The following MAP6 variants were observed in gnomAD, a reference collection of about 807,000 sequenced individuals.
MAP6 encodes the protein microtubule-associated protein 6.
A neutral mutation model predicts 42.4 loss-of-function variants in MAP6; 26 were observed. That is an observed-to-expected ratio of 0.61 (90% CI 0.45 to 0.85). The LOEUF (loss-of-function observed/expected upper bound fraction) is 0.85. Ranked by LOEUF, MAP6 falls within the 40% of genes least tolerant of loss-of-function variation. The pLI is 0.00. For synonymous variants in MAP6, 418 were observed against 443.8 expected, an observed-to-expected ratio of 0.94 and a Z score of 0.73; for missense variants, 966 against 1,099.0, an observed-to-expected ratio of 0.88 and a Z score of 1.71.
intron 1 of MAP6, among the ~76,000 whole-genome samples, chr11:75,618,720 C>T (rs948401383): frequency 2.6e-5 from 4 of 152,200 alleles, no homozygotes; most frequent in African/African-American, 4.8e-5. Context: ...CCCTGACAGT[C>T]GAGACCGGCA....
chr11:75,668,255 G>T lies in MAP6; in HGVS notation c.115C>A (p.His39Asn). The T allele has an allele frequency of 1.4e-6, 2 of 1,475,228 alleles. No homozygotes were observed. The highest frequency in any genetic ancestry group is 1.8e-6 in the Non-Finnish European group (2 of 1,115,278). The allele number at this position is 1,475,228 out of a possible 1,614,324, so 91.4% of individuals were successfully genotyped here. Residue 39 changes from histidine (H) to asparagine (N), a missense_variant, in exon 1 of 4, where the codon CAC becomes AAC. His to Asn is a moderately conservative substitution (Grantham distance 68). Around this residue, in one of 2 missense-constraint regions of MAP6, gnomAD observed 943 missense variants for 1,049.9 expected, o/e 0.90. Coordinates refer to ENST00000304771, the MANE Select transcript of MAP6 (RefSeq NM_033063.2). ...GGTGGCTGCGGCGGGGCGCCCGGGTGCTCGGTGGCCTCCGAGTACTTGGTG... is the reference window on the plus strand; with the variant it reads ...GGTGGCTGCGGCGGGGCGCCCGGGTTCTCGGTGGCCTCCGAGTACTTGGTG... ...VFTKYSEATE[H>N]PGAPPQPPPP...
intron 1 of MAP6, among the ~76,000 whole-genome samples, chr11:75,653,479 C>G (rs1444362811): frequency 6.6e-6 from 1 of 152,226 alleles, no homozygotes; most frequent in Non-Finnish European, 1.5e-5. Context: ...ACCTGTGGCA[C>G]TTAGATGCCA....
intron 1 of MAP6, among the ~76,000 whole-genome samples, chr11:75,634,030 T>G (rs1168714420): frequency 6.6e-6 from 1 of 152,152 alleles, no homozygotes; most frequent in Admixed American, 6.5e-5. Context: ...GAGAGACCTG[T>G]TAGGAGACTC....
chr11:75,668,365 G>A lies in MAP6; in HGVS notation c.5C>T (p.Ala2Val). 1.3e-6 allele frequency: 2 copies of A among 1,569,888 alleles called. No homozygotes were observed. The highest frequency in any genetic ancestry group is 1.1e-5 in the South Asian group (1 of 89,554). Residue 2 changes from alanine (A) to valine (V), a missense_variant, in exon 1 of 4, where the codon GCG becomes GTG. This residue lies in a region of MAP6 where 23 missense variants were observed against 49.1 expected (regional missense o/e 0.47). Transcript: ENST00000304771. Reference sequence around the variant, plus strand: ...GCAGGCCCTCGTGATGCACGGCCACGCCATGATGCTAGCTGAAAAGCCGGC... The same window carrying A: ...GCAGGCCCTCGTGATGCACGGCCACACCATGATGCTAGCTGAAAAGCCGGC... M[A>V]WPCITRACCI...
chr11:75,648,146 C>T (rs930466344), intron 1 of MAP6, among the ~76,000 whole-genome samples: 1 of 152,148 alleles, frequency 6.6e-6, no homozygotes, highest in South Asian at 2.1e-4. Flanking sequence ...ACACTATACA[C>T]AAAATTGAAC....
chr11:75,599,728 C>T (rs974376704), intron 3 of MAP6, among the ~76,000 whole-genome samples: 4 of 152,190 alleles, frequency 2.6e-5, no homozygotes, highest in East Asian at 1.9e-4. Context: ...TGTCTGAAAC[C>T]TGATTCTTTT....
intron 3 of MAP6, among the ~76,000 whole-genome samples, chr11:75,592,687 A>C (rs1415873055): frequency 6.6e-6 from 1 of 152,184 alleles, no homozygotes; most frequent in Non-Finnish European, 1.5e-5. Flanking sequence ...TTCATACAGA[A>C]ATCAGAATGA....
chr11:75,658,528 C>G (rs750418079), intron 1 of MAP6, among the ~76,000 whole-genome samples: 1 of 152,166 alleles, frequency 6.6e-6, no homozygotes, highest in Non-Finnish European at 1.5e-5. Context: ...TCTATTCTTG[C>G]TGGAGATCAG....
Position 75,587,217 on chromosome 11 carries a change from G to A in MAP6, c.2284C>T (p.Pro762Ser), listed in dbSNP as rs944788120. 1.9e-6 allele frequency: 3 copies of A among 1,614,058 alleles called. No homozygotes were observed. Among genetic ancestry groups the A allele is most frequent in the African/African-American group, 2.7e-5 (2 of 74,896 alleles). ...TCCTTTGCTGGTACTGGCACCAGAG[G>A]ATCTTGATCCTTCAGAGGCACTGGG... is the stretch of plus-strand genomic sequence containing the variant. ...IVPVPLKDQD[P>S]LVPVPAKDQG... is the part of the protein sequence containing the mutation. The change falls in exon 4 of 4, where the codon CCT (proline) becomes TCT (serine). Residue 762 changes from proline to serine, a missense_variant. This residue lies in a region of MAP6 where 943 missense variants were observed against 1,049.9 expected (regional missense o/e 0.90). Coordinates refer to ENST00000304771, the MANE Select transcript of MAP6 (RefSeq NM_033063.2).
At chr11:75,642,379 A>G (rs1943486284) in intron 1 of MAP6, among the ~76,000 whole-genome samples, 1 of 152,264 alleles carries the variant, frequency 6.6e-6, no homozygotes, top group Admixed American at 6.5e-5. Context: ...TTGTATCTGT[A>G]GTTGTTACAT....
Position 75,667,745 on chromosome 11 carries a change from C to T in MAP6, c.625G>A (p.Ala209Thr). Residue 209 changes from alanine (A) to threonine (T), a missense_variant, in exon 1 of 4, where the codon GCC becomes ACC. Transcript: ENST00000304771. The surrounding 1 kb of genome is among the most constrained non-coding windows in gnomAD (Gnocchi z 5.6). ...GCCTCCTGCTCCCGGGCCTCAGCGG[C>T]GGCCTGCACTGGCCAGCGCTCCTGG... is the stretch of plus-strand genomic sequence containing the variant. ...QSQERWPVQA[A>T]AEAREQEAAP... is the part of the protein sequence containing the mutation. The T allele has an allele frequency of 7.7e-7, 1 of 1,297,506 alleles. No homozygotes were observed. The highest frequency in any genetic ancestry group is 2.4e-5 in the South Asian group (1 of 42,358). 80.4% of individuals were successfully genotyped at this position (1,297,506 alleles called of 1,614,324 possible).
intron 1 of MAP6, among the ~76,000 whole-genome samples, chr11:75,617,679 G>A (rs955255462): frequency 6.6e-6 from 1 of 151,952 alleles, no homozygotes; most frequent in African/African-American, 2.4e-5. Context: ...TAAGAGTGGG[G>A]GAGTGTGAGA....
intron 1 of MAP6, among the ~76,000 whole-genome samples, chr11:75,660,278 C>T (rs1943820822): frequency 6.6e-6 from 1 of 152,128 alleles, no homozygotes; most frequent in East Asian, 1.9e-4. Context: ...GTGAAACATC[C>T]ACAAGATGAT....
rs1943976400 is a variant in MAP6, at chr11:75,667,623, G to A, written c.747C>T (p.Arg249=). 1 of 1,294,998 alleles carries A rather than the reference G, an allele frequency of 7.7e-7. No individual in the cohort carries two copies. Among genetic ancestry groups the A allele is most frequent in the Non-Finnish European group, 9.7e-7 (1 of 1,029,450 alleles). 80.2% of individuals were successfully genotyped at this position (1,294,998 alleles called of 1,614,324 possible). ...GCTCGTGCCCCAGGCCCTCGGCGCGGCGCACAATCCAGGCAGGCCCGGCCT... is the reference window on the plus strand; with the variant it reads ...GCTCGTGCCCCAGGCCCTCGGCGCGACGCACAATCCAGGCAGGCCCGGCCT... ...RRKAGPAWIV[R]RAEGLGHEQT... is the part of the protein sequence containing the mutation. Residue 249 remains arginine, a synonymous_variant, in exon 1 of 4, where the codon CGC becomes CGT. Transcript: ENST00000304771. The surrounding 1 kb of genome is among the most constrained non-coding windows in gnomAD (Gnocchi z 5.6).
Position 75,667,755 on chromosome 11 carries a change from T to A in MAP6, c.615A>T (p.Pro205=). The change falls in exon 1 of 4, where the codon CCA becomes CCT. Residue 205 remains proline, a synonymous_variant. Transcript: ENST00000304771. The surrounding 1 kb of genome is among the most constrained non-coding windows in gnomAD (Gnocchi z 5.6). ...KRRPQSQERW[P]VQAAAEAREQ... ...CCCGGGCCTCAGCGGCGGCCTGCAC[T>A]GGCCAGCGCTCCTGGCTCTGCGGCC... 1 of 1,304,912 alleles carries A rather than the reference T, an allele frequency of 7.7e-7. No homozygotes were observed. 80.8% of individuals were successfully genotyped at this position (1,304,912 alleles called of 1,614,324 possible).
At chr11:75,622,373 G>C (rs1161391306) in intron 1 of MAP6, among the ~76,000 whole-genome samples, 1 of 152,130 alleles carries the variant, frequency 6.6e-6, no homozygotes, top group Non-Finnish European at 1.5e-5. Flanking sequence ...GCCTCCCAAA[G>C]TTCTGAGATT....
chr11:75,587,577 T>C lies in MAP6; in HGVS notation c.1924A>G (p.Met642Val). 1 of 1,614,170 alleles carries C rather than the reference T, an allele frequency of 6.2e-7. No individual in the cohort carries two copies. Among genetic ancestry groups the C allele is most frequent in the Non-Finnish European group, 8.5e-7 (1 of 1,180,032 alleles). ...TCATCCTTCGGATGCTCTGGGACCATGGGATCTTGATCCTTGATAGGTGCT... is the reference window on the plus strand; with the variant it reads ...TCATCCTTCGGATGCTCTGGGACCACGGGATCTTGATCCTTGATAGGTGCT... ...VSAPIKDQDP[M>V]VPEHPKDESA... Residue 642 changes from methionine (M) to valine (V), a missense_variant, in exon 4 of 4, where the codon ATG becomes GTG. By Grantham distance (21) the Met-to-Val change is conservative. This residue lies in a region of MAP6 where 943 missense variants were observed against 1,049.9 expected (regional missense o/e 0.90). Coordinates refer to ENST00000304771, the MANE Select transcript of MAP6 (RefSeq NM_033063.2).
chr11:75,605,955 C>T lies in MAP6; in HGVS notation c.1169G>A (p.Ser390Asn). 6.2e-7 allele frequency: 1 copy of T among 1,614,108 alleles called. No individual in the cohort carries two copies. Among genetic ancestry groups the T allele is most frequent in the Non-Finnish European group, 8.5e-7 (1 of 1,180,036 alleles). Residue 390 changes from serine to asparagine, a missense_variant, in exon 3 of 4, where the codon AGC (serine) becomes AAC (asparagine). By Grantham distance (46) the Ser-to-Asn change is conservative. Transcript: ENST00000304771. The stretch of plus-strand genomic sequence containing the variant: ...TTTGGCCTTCCTCGTGGGCTTATGG[C>T]TCGCTGAGGTCTTTTTTGGTTTGGA... ...QSSKPKKTSA[S>N]HKPTRKAKDK...
chr11:75,650,079 T>C (rs1943623832), intron 1 of MAP6, among the ~76,000 whole-genome samples: 1 of 152,146 alleles, frequency 6.6e-6, no homozygotes, highest in South Asian at 2.1e-4. Context: ...TTCAGATCCG[T>C]CGTGCTCCTT....
Sources: gnomAD v4.1 joint callset for allele counts (sites outside exome capture counted in the v4.1 genomes callset) on GRCh38, gnomAD v4.1.1 for gene constraint, gnomAD v4.1.1 regional missense constraint, Gnocchi (gnomAD v3.1) non-coding constraint, MANE v1.5 for transcripts, NCBI Gene and HGNC (gene_info 2026-07-23, HGNC 2026-07-21) for gene names.